Variants in NBAS observed in about 807,000 individuals in gnomAD.
The protein encoded by NBAS is NAG/BC035112 fusion.
A neutral mutation model predicts 302.5 loss-of-function variants in NBAS; 219 were observed. That is an observed-to-expected ratio of 0.72 (90% CI 0.65 to 0.81). The LOEUF is 0.81. NBAS is among the 30% of genes least tolerant of loss of function. NBAS has a pLI of 0.00. For synonymous variants in NBAS, 1,118 were observed against 1,021.6 expected (o/e 1.09, Z -1.80); for missense variants, 2,932 against 2,841.6 (o/e 1.03, Z -0.72).
chr2:15,410,125 C>T (rs536565043), intron 25 of NBAS, among the ~76,000 whole-genome samples: 168 of 152,286 alleles, frequency 1.1e-3, no homozygotes, highest in African/African-American at 3.7e-3. Context: ...AAGCAGTTTC[C>T]TATTCTACAT....
At chr2:14,989,725 CAT>C in the NBAS span, among the ~76,000 whole-genome samples, 2 of 152,134 alleles carry the variant, frequency 1.3e-5, no homozygotes, top group African/African-American at 4.8e-5. Context: ...CAGTATAAAA[CAT>C]CACTGCAGCA....
At chr2:14,870,987 A>G in the NBAS span, among the ~76,000 whole-genome samples, 3 of 152,092 alleles carry the variant, frequency 2.0e-5, no homozygotes, top group Admixed American at 2.0e-4. Context: ...GTAAAAATAA[A>G]CTAAAAAAAA....
chr2:14,918,312 C>CAA, the NBAS span, among the ~76,000 whole-genome samples: 12 of 103,568 alleles, frequency 1.2e-4, no homozygotes, highest in East Asian at 7.3e-4. Flanking sequence ...GAAATCCATG[C>CAA]AAAAAAAAAA....
intron 36 of NBAS, among the ~76,000 whole-genome samples, chr2:15,329,108 T>G (rs938828942): frequency 2.2e-4 from 33 of 152,280 alleles, no homozygotes; most frequent in African/African-American, 7.9e-4. Flanking sequence ...TATGTTTTGC[T>G]CTCTCCAAAT....
intron 48 of NBAS, among the ~76,000 whole-genome samples, chr2:15,206,560 C>A (rs1315531225): frequency 1.3e-5 from 2 of 152,214 alleles, no homozygotes; most frequent in East Asian, 3.8e-4. Context: ...TTCATGGGAG[C>A]CCCTCCAATC....
chr2:15,015,452 G>T, the NBAS span, among the ~76,000 whole-genome samples: 8 of 152,210 alleles, frequency 5.3e-5, no homozygotes, highest in Non-Finnish European at 7.4e-5. Context: ...ACCAAGTGGG[G>T]TTTATCCCAG....
chr2:15,095,442 A>C, the NBAS span, among the ~76,000 whole-genome samples: 1 of 152,214 alleles, frequency 6.6e-6, no homozygotes, highest in Admixed American at 6.5e-5. Context: ...ATCTCGTGAG[A>C]CTTATTCACT....
intron 32 of NBAS, among the ~76,000 whole-genome samples, chr2:15,357,769 G>A (rs1186727298): frequency 6.6e-6 from 1 of 152,124 alleles, no homozygotes. Flanking sequence ...TTTACCCTGT[G>A]TAAACAGGAT....
In NBAS at chr2:15,195,156, T is replaced by C. The variant is rs115295029; in HGVS notation, c.6433-4753A>G. Among the ~76,000 whole-genome samples, 249 of 152,294 alleles carry C rather than the reference T, an allele frequency of 1.6e-3. 1 individual carries two copies. Among genetic ancestry groups the C allele is most frequent in the Non-Finnish European group, 1.6e-3 (112 of 68,026 alleles). ...TATAGAATCTGCTATGGTTTGAATG[T>C]CCCTTCCAAAATTCATGTTGAAATT... On this transcript the variant is annotated intron_variant, in intron 48 of 51. Coordinates refer to ENST00000281513, the MANE Select transcript of NBAS (RefSeq NM_015909.4).
chr2:15,064,343 A>G, the NBAS span, among the ~76,000 whole-genome samples: 76,028 of 150,032 alleles, frequency 0.51, 21,612 homozygotes, highest in Middle Eastern at 0.62. Context: ...AGACATTACA[A>G]CTAATACAAC....
rs4668910 is a variant in NBAS at position 15,467,889 on chromosome 2, C to A, written c.1878-85G>T. ...AGCTTTCTCCTATTTTGACTGATTT[C>A]ATTATTGATTTCCACAAAAACAGAA... On this transcript the variant is annotated intron_variant, in intron 17 of 51. Coordinates refer to ENST00000281513, the MANE Select transcript of NBAS (RefSeq NM_015909.4). 748,436 of 1,155,036 alleles carry A rather than the reference C, an allele frequency of 0.65. 247,122 individuals are homozygous for A. The highest frequency in any genetic ancestry group is 0.68 in the Middle Eastern group (2,456 of 3,624). The allele number at this position is 1,155,036 out of a possible 1,614,324, so 71.5% of individuals were successfully genotyped here.
Position 15,374,618 on chromosome 2 carries a change from C to G in NBAS, c.3693G>C (p.Leu1231=). The G allele has an allele frequency of 6.2e-7, 1 of 1,613,308 alleles. No homozygotes were observed. Among genetic ancestry groups the G allele is most frequent in the South Asian group, 1.1e-5 (1 of 91,066 alleles). The stretch of plus-strand genomic sequence containing the variant: ...AAGTAGAAAACTCACCTTGCAAAGG[C>G]AGGATCTTTACCCCAAATTCTTCAA... The part of the protein sequence containing the change: ...GCLEEFGVKI[L]PLQVRLCPDR... Residue 1231 remains leucine (L), a synonymous_variant, in exon 31 of 52, where the codon CTG becomes CTC. Transcript: ENST00000281513.
the NBAS span, among the ~76,000 whole-genome samples, chr2:14,964,941 T>C: frequency 6.6e-6 from 1 of 152,044 alleles, no homozygotes; most frequent in Non-Finnish European, 1.5e-5. Flanking sequence ...GAATACCATA[T>C]AATCAAAGAA....
At chr2:15,187,158 T>A (rs759346135) in intron 49 of NBAS, among the ~76,000 whole-genome samples, 10 of 152,150 alleles carry the variant, frequency 6.6e-5, no homozygotes, top group Non-Finnish European at 1.0e-4. Flanking sequence ...TTCTGACTAT[T>A]TGGGTCCTCA....
the NBAS span, among the ~76,000 whole-genome samples, chr2:15,090,343 C>T: frequency 0.013 from 2,055 of 152,300 alleles, 47 homozygotes; most frequent in African/African-American, 0.047. Flanking sequence ...CTGTGGCTTT[C>T]ATTGATGTAA....
intron 25 of NBAS, among the ~76,000 whole-genome samples, chr2:15,409,114 T>C (rs927606493): frequency 6.6e-6 from 1 of 152,216 alleles, no homozygotes; most frequent in African/African-American, 2.4e-5. Context: ...ACATATATAT[T>C]ATTTCATTGT....
At chr2:15,467,922 T>C in intron 17 of NBAS, 118 bp from the exon 18 acceptor site, 1 of 988,062 alleles carries the variant, frequency 1.0e-6, no homozygotes, top group Admixed American at 2.7e-5. Flanking sequence ...GAAGAAAGTA[T>C]TTGAAAAAAA....
intron 21 of NBAS, among the ~76,000 whole-genome samples, chr2:15,453,286 A>G (rs1679102525): frequency 6.6e-6 from 1 of 152,202 alleles, no homozygotes; most frequent in Non-Finnish European, 1.5e-5. Context: ...AAGCATGTAG[A>G]GCACAAAGAG....
chr2:15,410,826 G>T (rs745379733), intron 25 of NBAS, among the ~76,000 whole-genome samples: 5 of 152,116 alleles, frequency 3.3e-5, no homozygotes, highest in Non-Finnish European at 5.9e-5. Flanking sequence ...CCTTTCTTCT[G>T]GAAGTTTCCA....
Sources: allele counts gnomAD v4.1 joint callset (sites outside exome capture counted in the v4.1 genomes callset), GRCh38; gene constraint gnomAD v4.1.1; transcripts MANE v1.5; gene names NCBI Gene and HGNC (gene_info 2026-07-23, HGNC 2026-07-21).